Variants in PFKFB1 observed in about 807,000 individuals in gnomAD.
PFKFB1 encodes the protein 6-phosphofructo-2-kinase/fructose-2,6-bisphosphatase 1.
Under a neutral mutation model 46.4 loss-of-function variants are expected in PFKFB1, and 34 were observed. The ratio of observed to expected loss-of-function variants is 0.73; its 90% CI spans 0.56 to 0.98. The LOEUF (loss-of-function observed/expected upper bound fraction) is 0.98, where lower values mean the gene tolerates loss of function less well. Among genes scored for constraint, PFKFB1 ranks in the 50% least tolerant of loss-of-function variants. The pLI is 0.00. For missense variants in PFKFB1, 393 were observed against 376.3 expected, an observed-to-expected ratio of 1.04 and a Z score of -0.37; for synonymous variants, 119 against 133.8, an observed-to-expected ratio of 0.89 and a Z score of 0.76.
chrX:54,958,990 C>T, intron 4 of PFKFB1, 65 bp from the exon 5 acceptor site: 2 of 706,238 alleles, frequency 2.8e-6, no homozygotes, highest in South Asian at 2.4e-5. Flanking sequence ...TACTCTTTGC[C>T]CATCCCTGTG....
At chrX:54,974,622 A>G (rs905088047) in intron 1 of PFKFB1, among the ~76,000 whole-genome samples, 14 of 112,123 alleles carry the variant, frequency 1.2e-4, no homozygotes, top group African/African-American at 2.3e-4. Flanking sequence ...TTAAACTAAA[A>G]TGCTTCTGTG....
intron 10 of PFKFB1, among the ~76,000 whole-genome samples, chrX:54,941,865 C>T (rs779638224): frequency 8.9e-6 from 1 of 111,832 alleles, no homozygotes; most frequent in Admixed American, 9.5e-5. Context: ...ACTAGAAATC[C>T]CATTTGACCC....
At position 54,934,954 on chromosome X, in the gene PFKFB1, C is replaced by T; in HGVS notation, c.1284G>A (p.Val428=). ...CAGGGTGGGAGTACTTACCATAAGC[C>T]ACAGGAGTGAGTTTGAGCACTGTGT... The part of the protein sequence containing the change: ...PLHTVLKLTP[V]AYGCKVESIY... Residue 428 remains valine (V), a synonymous_variant, in exon 12 of 14, where the codon GTG becomes GTA. Transcript: ENST00000375006. 8.3e-7 allele frequency: 1 copy of T among 1,203,795 alleles called. No homozygotes were observed. The highest frequency in any genetic ancestry group is 1.8e-5 in the South Asian group (1 of 56,461).
chrX:54,984,679 A>T (rs945058597), intron 1 of PFKFB1, among the ~76,000 whole-genome samples: 2 of 111,608 alleles, frequency 1.8e-5, no homozygotes, highest in Non-Finnish European at 3.8e-5. Flanking sequence ...AGCCAAGATG[A>T]AGCTCCCTTT....
intron 8 of PFKFB1, among the ~76,000 whole-genome samples, chrX:54,951,213 C>A (rs745541696): frequency 8.0e-5 from 9 of 112,684 alleles, no homozygotes; most frequent in African/African-American, 2.9e-4. Flanking sequence ...CAGCCAGCAA[C>A]CAGCCAGTAG....
chrX:54,965,692 G>A (rs1468278433), intron 1 of PFKFB1, among the ~76,000 whole-genome samples: 1 of 110,759 alleles, frequency 9.0e-6, no homozygotes, highest in East Asian at 2.8e-4. Flanking sequence ...AAATATAACT[G>A]ATCTTTTAAA....
At chrX:54,979,738 C>A (rs1292192062) in intron 1 of PFKFB1, among the ~76,000 whole-genome samples, 1 of 111,994 alleles carries the variant, frequency 8.9e-6, no homozygotes, top group Non-Finnish European at 1.9e-5. Flanking sequence ...TTATTCATGA[C>A]ATTGTGTAGT....
intron 1 of PFKFB1, among the ~76,000 whole-genome samples, chrX:54,964,646 C>T (rs947001338): frequency 2.7e-5 from 3 of 111,361 alleles, no homozygotes; most frequent in Non-Finnish European, 3.8e-5. Flanking sequence ...ACCCAAATAG[C>T]GAACATAGTA....
rs953775038 is a variant in PFKFB1 at position 54,963,917 on chromosome X, C to T, written c.98-535G>A. 3.6e-5 allele frequency among the ~76,000 whole-genome samples: 4 copies of T among 111,848 alleles called. No individual in the cohort carries two copies. In the Admixed American group the frequency reaches 3.8e-4, roughly 11 times the overall value. ...TAGTTTCCCTATATTCTCTATGGAGCAAAAGCCTTACTATTCAGGGAAAAG... is the reference window on the plus strand; with the variant it reads ...TAGTTTCCCTATATTCTCTATGGAGTAAAAGCCTTACTATTCAGGGAAAAG... On this transcript the variant is annotated intron_variant, in intron 1 of 13. Transcript: ENST00000375006.
rs986052524 is a variant in PFKFB1, at chrX:54,994,151, C to T, written c.-144G>A. On this transcript the variant is annotated 5_prime_UTR_variant, in exon 1 of 14. Coordinates refer to ENST00000375006, the MANE Select transcript of PFKFB1 (RefSeq NM_002625.4). ...GGGGTGTACTGGGTTTCTGAGCCCT[C>T]TCAAAGTCTGTCTTCAGTCCCCTCT... 39 of 1,089,493 alleles carry T rather than the reference C, an allele frequency of 3.6e-5. No homozygotes were observed. The highest frequency in any genetic ancestry group is 4.6e-5 in the Non-Finnish European group (39 of 839,751). The allele number at this position is 1,089,493 out of a possible 1,213,427, so 89.8% of individuals were successfully genotyped here. A position where few individuals can be genotyped will look rare whatever the true frequency, so the allele number is the denominator to read the frequency against.
intron 10 of PFKFB1, among the ~76,000 whole-genome samples, chrX:54,942,324 A>G (rs976523138): frequency 2.7e-5 from 3 of 111,403 alleles, no homozygotes; most frequent in Admixed American, 9.6e-5. Context: ...GCACACCAGC[A>G]TGGCACATGT....
At chrX:54,979,395 G>A (rs1934915846) in intron 1 of PFKFB1, among the ~76,000 whole-genome samples, 1 of 111,063 alleles carries the variant, frequency 9.0e-6, no homozygotes. Context: ...TAAGTAGTAC[G>A]GTATCTTACT....
At position 54,933,407 on chromosome X, in the gene PFKFB1, T is replaced by A; in HGVS notation, c.1412A>T (p.Tyr471Phe). The A allele has an allele frequency of 8.3e-7, 1 of 1,205,173 alleles. No individual in the cohort carries two copies. The highest frequency in any genetic ancestry group is 1.8e-5 in the South Asian group (1 of 56,781). Residue 471 changes from tyrosine (Y) to phenylalanine (F), a missense_variant, in exon 14 of 14, where the codon TAC becomes TTC. By Grantham distance (22) the Tyr-to-Phe change is conservative. Coordinates refer to ENST00000375006, the MANE Select transcript of PFKFB1 (RefSeq NM_002625.4). ...GTTTGACTTCTTGGAAAGGGCTCAG[T>A]AGTGGGCTGGGACAGTATCCAGGGC... is the stretch of plus-strand genomic sequence containing the variant. The part of the protein sequence containing the change: ...EEALDTVPAH[Y>F]
At chrX:54,937,846 C>A in intron 10 of PFKFB1, 122 bp from the exon 11 acceptor site, 1 of 575,196 alleles carries the variant, frequency 1.7e-6, no homozygotes, top group Non-Finnish European at 2.7e-6. Flanking sequence ...TGTTGACCCA[C>A]CAGTATGACC....
chrX:54,998,479 A>G (rs1286297429), upstream of PFKFB1: 1 of 1,099,806 alleles, frequency 9.1e-7, no homozygotes, highest in Non-Finnish European at 1.2e-6. Context: ...CAGACCCCCA[A>G]GGCAGGTCCA....
chrX:54,971,551 C>A (rs1935880833), intron 1 of PFKFB1, among the ~76,000 whole-genome samples: 1 of 111,941 alleles, frequency 8.9e-6, no homozygotes, highest in South Asian at 3.7e-4. Flanking sequence ...CAGCTTTCTA[C>A]ATATGGCTAG....
At chrX:54,955,882 G>A (rs111911752) in intron 7 of PFKFB1, among the ~76,000 whole-genome samples, 3 of 111,900 alleles carry the variant, frequency 2.7e-5, no homozygotes, top group Admixed American at 9.4e-5. Flanking sequence ...AATAATAATC[G>A]CAACACCCAC....
chrX:54,960,934 C>G lies in PFKFB1; in HGVS notation c.224-17G>C. Reference sequence around the variant, plus strand: ...AATTAAACACTGAAAGCAGGGAGTGCCAGTGAAGAGGTTGGGAAGATCCCA... The same window carrying G: ...AATTAAACACTGAAAGCAGGGAGTGGCAGTGAAGAGGTTGGGAAGATCCCA... On this transcript the variant is annotated splice_polypyrimidine_tract_variant and intron_variant, in intron 2 of 13. Transcript: ENST00000375006. The G allele has an allele frequency of 9.1e-7, 1 of 1,100,640 alleles. No individual in the cohort carries two copies. The highest frequency in any genetic ancestry group is 1.2e-6 in the Non-Finnish European group (1 of 801,462). The allele number at this position is 1,100,640 out of a possible 1,213,427, so 90.7% of individuals were successfully genotyped here. A position where few individuals can be genotyped will look rare whatever the true frequency, so the allele number is the denominator to read the frequency against.
intron 10 of PFKFB1, among the ~76,000 whole-genome samples, chrX:54,939,018 A>G (rs1383498427): frequency 2.7e-5 from 3 of 111,938 alleles, no homozygotes; most frequent in Non-Finnish European, 5.6e-5. Context: ...AATGTAAAAG[A>G]ACAGAAATTA....
Sources: gnomAD v4.1 joint callset for allele counts (sites outside exome capture counted in the v4.1 genomes callset) on GRCh38, gnomAD v4.1.1 for gene constraint, MANE v1.5 for transcripts, NCBI Gene and HGNC (gene_info 2026-07-23, HGNC 2026-07-21) for gene names.